The following RAB44 variants were observed in gnomAD, a reference collection of about 807,000 sequenced individuals.
RAB44 encodes the protein ras-related protein Rab-44.
RAB44 carries 67 observed loss-of-function variants against 93.3 expected under a neutral mutation model. The observed-to-expected ratio is 0.72, with a 90% CI of 0.59 to 0.88. The LOEUF is 0.88. Among genes scored for constraint, RAB44 ranks in the 40% least tolerant of loss-of-function variants. The pLI is 0.00. For synonymous variants in RAB44, 427 were observed against 520.3 expected, an observed-to-expected ratio of 0.82 and a Z score of 2.44; for missense variants, 1,064 against 1,261.7, an observed-to-expected ratio of 0.84 and a Z score of 2.37.
rs957388374 is a variant in RAB44, at chr6:36,718,063, T to C, written c.677T>C (p.Leu226Pro). The C allele has an allele frequency of 2.6e-4, 319 of 1,231,872 alleles. No homozygotes were observed. Among genetic ancestry groups the C allele is most frequent in the Non-Finnish European group, 3.2e-4 (316 of 987,990 alleles). 76.3% of individuals were successfully genotyped at this position (1,231,872 alleles called of 1,614,324 possible). The change falls in exon 6 of 14, where the codon CTC becomes CCC. Residue 226 changes from leucine (L) to proline (P), a missense_variant. Physicochemically the swap from Leu to Pro is moderately conservative, Grantham distance 98. Coordinates refer to ENST00000612677, the MANE Select transcript of RAB44 (RefSeq NM_001257357.2). ...DSDHHREVQQ[L>P]YEEMEQQIRQ... is the part of the protein sequence containing the mutation. ...GACCACCACCGCGAGGTCCAGCAGC[T>C]CTATGAGGAGATGGAGCAGCAGATC...
At chr6:36,718,804 G>T (rs1050067401) in intron 7 of RAB44, among the ~76,000 whole-genome samples, 1 of 152,128 alleles carries the variant, frequency 6.6e-6, no homozygotes, top group East Asian at 1.9e-4. Flanking sequence ...CTAGCTTCCT[G>T]CTTAGGGTCA....
At chr6:36,720,715 A>G (rs1488620915) in intron 8 of RAB44, among the ~76,000 whole-genome samples, 165 bp downstream of exon 8, 2 of 152,210 alleles carry the variant, frequency 1.3e-5, no homozygotes, top group Non-Finnish European at 2.9e-5. Flanking sequence ...CATTTCTCAG[A>G]TGAGGAAACT....
chr6:36,710,052 CA>C (rs1215467147), intron 2 of RAB44, among the ~76,000 whole-genome samples: 3 of 152,184 alleles, frequency 2.0e-5, no homozygotes, highest in Non-Finnish European at 4.4e-5. Context: ...CAATGCATAA[CA>C]GAAAATTTAT....
In RAB44 at chr6:36,722,645, C is replaced by T. The variant is rs1250342386; in HGVS notation, c.2511C>T (p.Ile837=). 1.3e-6 allele frequency: 2 copies of T among 1,550,664 alleles called. No homozygotes were observed. Among genetic ancestry groups the T allele is most frequent in the Non-Finnish European group, 1.7e-6 (2 of 1,147,008 alleles). The change falls in exon 9 of 14, where the codon ATC becomes ATT. Residue 837 remains isoleucine, a synonymous_variant. Transcript: ENST00000612677. ...QANPDYLFHV[I]FLGDSNVGKT... is the part of the protein sequence containing the mutation. ...ACCCTGATTACCTCTTCCATGTCAT[C>T]TTTCTGGGAGACTCCAACGTGGGCA...
At chr6:36,714,171 TC>T (rs1762858873) in intron 3 of RAB44, among the ~76,000 whole-genome samples, 2 of 152,228 alleles carry the variant, frequency 1.3e-5, no homozygotes, top group South Asian at 4.1e-4. Context: ...AAAAGGCTTC[TC>T]CTGAGCCAGA....
At chr6:36,726,056 C>A in intron 10 of RAB44, 113 bp downstream of exon 10, 1 of 789,418 alleles carries the variant, frequency 1.3e-6, no homozygotes, top group South Asian at 1.6e-5. Context: ...CCCAAGGATT[C>A]AGGAGGTCAG....
At position 36,732,164 on chromosome 6, in the gene RAB44, C is replaced by T. The variant is rs1035262319; in HGVS notation, c.*71C>T. 5.9e-6 allele frequency: 6 copies of T among 1,008,760 alleles called. No individual in the cohort carries two copies. The African/African-American group carries it at 8.3e-5, about 14-fold the overall frequency. The allele number at this position is 1,008,760 out of a possible 1,614,324, so 62.5% of individuals were successfully genotyped here. A position where few individuals can be genotyped will look rare whatever the true frequency, so the allele number is the denominator to read the frequency against. On this transcript the variant is annotated 3_prime_UTR_variant, in exon 14 of 14. Coordinates refer to ENST00000612677, the MANE Select transcript of RAB44 (RefSeq NM_001257357.2). ...GTCCCTCAGCTCCTGTCCTTTGTTC[C>T]TGGACAGCAACGACACAGAGGACCA... is the stretch of plus-strand genomic sequence containing the variant.
intron 1 of RAB44, among the ~76,000 whole-genome samples, chr6:36,702,034 G>A (rs953468739): frequency 7.2e-5 from 11 of 152,096 alleles, no homozygotes; most frequent in Admixed American, 7.2e-4. Context: ...ATGATAGAGG[G>A]TGGGAAGGGT....
chr6:36,703,811 G>A (rs1762570768), intron 1 of RAB44, among the ~76,000 whole-genome samples: 1 of 152,132 alleles, frequency 6.6e-6, no homozygotes, highest in African/African-American at 2.4e-5. Flanking sequence ...TGGCTCAGAA[G>A]CTGCTTATGG....
chr6:36,731,759 G>A lies in RAB44; in HGVS notation c.2976-244G>A, dbSNP rs548938544. On this transcript the variant is annotated intron_variant, in intron 13 of 13. Transcript: ENST00000612677. The surrounding 1 kb of genome is among the most constrained non-coding windows in gnomAD (Gnocchi z 4.0). ...TCTGTCTCTCTCACTACTCAAGGGA[G>A]GGAATGGTGGCTTCTTTGTCATAGT... Among the ~76,000 whole-genome samples, 9 of 152,296 alleles carry A rather than the reference G, an allele frequency of 5.9e-5. No individual in the cohort carries two copies. The highest frequency in any genetic ancestry group is 5.2e-4 in the Admixed American group (8 of 15,294).
Position 36,728,783 on chromosome 6 carries a change from T to C in RAB44, c.2880T>C (p.Ala960=), listed in dbSNP as rs1186502987. ...AGGAACGGCAAGTGTCCGTGGAAGC[T>C]GGGCAGCAACTGGCCCAGGTAAGCA... ...CEEERQVSVE[A]GQQLAQELGV... The change falls in exon 12 of 14, where the codon GCT becomes GCC. Residue 960 remains alanine (A), a synonymous_variant. Transcript: ENST00000612677. 2 of 1,550,572 alleles carry C rather than the reference T, an allele frequency of 1.3e-6. No homozygotes were observed. Among genetic ancestry groups the C allele is most frequent in the African/African-American group, 1.4e-5 (1 of 73,168 alleles).
At chr6:36,720,232 A>T in intron 7 of RAB44, 131 bp from the exon 8 acceptor site, 1 of 698,498 alleles carries the variant, frequency 1.4e-6, no homozygotes, top group Non-Finnish European at 2.0e-6. Context: ...GCCCACCACT[A>T]CTCTGATTTA....
At position 36,727,480 on chromosome 6, in the gene RAB44, G is replaced by A. The variant is rs1174040500; in HGVS notation, c.2682-97G>A. 8.1e-6 allele frequency: 6 copies of A among 737,530 alleles called. No homozygotes were observed. The East Asian group carries it at 1.6e-4, about 20-fold the overall frequency. The allele number at this position is 737,530 out of a possible 1,614,324, so 45.7% of individuals were successfully genotyped here. On this transcript the variant is annotated intron_variant, in intron 10 of 13. Coordinates refer to ENST00000612677, the MANE Select transcript of RAB44 (RefSeq NM_001257357.2). ...AGCATACGGACATGCTCTGTGGGAA[G>A]CAATTAGAAGTAGGATAGGTTACTT... is the stretch of plus-strand genomic sequence containing the variant.
chr6:36,720,801 G>A (rs1401107807), intron 8 of RAB44, among the ~76,000 whole-genome samples: 1 of 152,196 alleles, frequency 6.6e-6, no homozygotes, highest in Non-Finnish European at 1.5e-5. Flanking sequence ...GTGCATGTAC[G>A]TGTACACACA....
chr6:36,700,536 C>A (rs939976712), intron 1 of RAB44, among the ~76,000 whole-genome samples: 1 of 152,142 alleles, frequency 6.6e-6, no homozygotes, highest in African/African-American at 2.4e-5. Context: ...ACCTCCTGGG[C>A]TCAAGTGATC....
At chr6:36,730,871 G>A (rs1002813745) in intron 13 of RAB44, 122 bp downstream of exon 13, 22 of 444,054 alleles carry the variant, frequency 5.0e-5, no homozygotes, top group African/African-American at 4.5e-4. Flanking sequence ...AAATGGGTCA[G>A]GGAAGCACCT....
intron 1 of RAB44, among the ~76,000 whole-genome samples, chr6:36,699,056 A>T (rs537764344): frequency 6.6e-6 from 1 of 152,232 alleles, no homozygotes; most frequent in Admixed American, 6.5e-5. Flanking sequence ...CCTGATGGTG[A>T]CAAGTGACTG....
chr6:36,730,151 T>C (rs1298675105), intron 12 of RAB44, among the ~76,000 whole-genome samples: 1 of 152,198 alleles, frequency 6.6e-6, no homozygotes, highest in Non-Finnish European at 1.5e-5. Flanking sequence ...GATATTTGAC[T>C]GGAGCTTGCC....
chr6:36,723,856 C>CAAAAAAAAAAAAAAAAA (rs1202713677), intron 9 of RAB44, among the ~76,000 whole-genome samples: 14 of 73,346 alleles, frequency 1.9e-4, no homozygotes, highest in South Asian at 1.3e-3. Context: ...AAAAAAAAAG[C>CAAAAAAAAAAAAAAAAA]AAACCCGAGG....
Sources: gnomAD v4.1 joint callset for allele counts (sites outside exome capture counted in the v4.1 genomes callset) on GRCh38, gnomAD v4.1.1 for gene constraint, Gnocchi (gnomAD v3.1) non-coding constraint, MANE v1.5 for transcripts, NCBI Gene and HGNC (gene_info 2026-07-23, HGNC 2026-07-21) for gene names.